Variants in HFM1 observed in about 807,000 individuals in gnomAD.
The protein encoded by HFM1 is helicase for meiosis 1, also known as probable ATP-dependent DNA helicase HFM1.
A neutral mutation model predicts 192.1 loss-of-function variants in HFM1; 169 were observed. The observed-to-expected ratio is 0.88, with a 90% confidence interval of 0.78 to 1.00. The LOEUF is 1.00. Ranked by LOEUF, HFM1 falls within the 50% of genes least tolerant of loss-of-function variation. HFM1 has a pLI of 0.00. For missense variants in HFM1, 1,661 were observed against 1,668.0 expected, an observed-to-expected ratio of 1.00 and a Z score of 0.07; for synonymous variants, 525 against 537.8, an observed-to-expected ratio of 0.98 and a Z score of 0.33.
At chr1:91,390,020 A>G (rs1358894240) in intron 4 of HFM1, among the ~76,000 whole-genome samples, 1 of 152,212 alleles carries the variant, frequency 6.6e-6, no homozygotes, top group African/African-American at 2.4e-5. Flanking sequence ...ACTTGCATGC[A>G]TTTTCATAGC....
At chr1:91,283,321 G>A (rs1667631381) in intron 30 of HFM1, among the ~76,000 whole-genome samples, 1 of 152,118 alleles carries the variant, frequency 6.6e-6, no homozygotes, top group Non-Finnish European at 1.5e-5. Flanking sequence ...ACGGCTCACT[G>A]AAACTTCAGC....
intron 6 of HFM1, 139 bp downstream of exon 6, chr1:91,385,048 T>C: frequency 1.7e-6 from 1 of 604,154 alleles, no homozygotes; most frequent in Non-Finnish European, 2.9e-6. Flanking sequence ...CGGCCACATG[T>C]ACCTCTTACA....
intron 20 of HFM1, among the ~76,000 whole-genome samples, 189 bp from the exon 21 acceptor site, chr1:91,324,955 T>C (rs886296272): frequency 6.6e-6 from 1 of 152,152 alleles, no homozygotes. Context: ...TCTAATTGCT[T>C]TTCTGCACAC....
At chr1:91,297,649 G>A (rs1424641437) in intron 30 of HFM1, among the ~76,000 whole-genome samples, 2 of 152,220 alleles carry the variant, frequency 1.3e-5, no homozygotes, top group African/African-American at 4.8e-5. Flanking sequence ...CTGCTGTTCT[G>A]CAGCCTCCGC....
chr1:91,336,283 A>C (rs1028990672), intron 20 of HFM1, among the ~76,000 whole-genome samples: 7 of 150,502 alleles, frequency 4.7e-5, no homozygotes. Flanking sequence ...TTCAATTATA[A>C]GTTGTCTAAA....
intron 13 of HFM1, among the ~76,000 whole-genome samples, chr1:91,359,371 G>C (rs940815660): frequency 3.9e-5 from 6 of 152,142 alleles, no homozygotes; most frequent in African/African-American, 1.4e-4. Context: ...AAACAGTACA[G>C]GAGCTGATAG....
Position 91,332,176 on chromosome 1 carries a change from G to A in HFM1, c.2336-7410C>T, listed in dbSNP as rs570324718. 3.9e-5 allele frequency among the ~76,000 whole-genome samples: 6 copies of A among 152,182 alleles called. No individual in the cohort carries two copies. The East Asian group carries it at 1.2e-3, about 29-fold the overall frequency. On this transcript the variant is annotated intron_variant, in intron 20 of 38. Coordinates refer to ENST00000370425, the MANE Select transcript of HFM1 (RefSeq NM_001017975.6). ...AGTCTAAGCAAAAAGAACAAAACTG[G>A]AGGAATTACATTACCTGATTTCAAA...
intron 30 of HFM1, among the ~76,000 whole-genome samples, chr1:91,289,601 T>G (rs928875798): frequency 4.6e-5 from 7 of 152,152 alleles, no homozygotes; most frequent in African/African-American, 1.4e-4. Context: ...AGACTCCGTC[T>G]GCAATCCTGG....
In HFM1 at chr1:91,377,228, A is replaced by G. The variant is rs1182387903; in HGVS notation, c.1395+797T>C. On this transcript the variant is annotated intron_variant, in intron 11 of 38. Transcript: ENST00000370425. The stretch of plus-strand genomic sequence containing the variant: ...GTTGTAATAAACTTTAAATTTTTCT[A>G]TATTATTCTTGAAAAATATGAACAA... 3.3e-5 allele frequency among the ~76,000 whole-genome samples: 5 copies of G among 151,940 alleles called. No homozygotes were observed. The East Asian group carries it at 9.6e-4, about 29-fold the overall frequency.
chr1:91,264,737 T>C (rs10801849), intron 36 of HFM1, among the ~76,000 whole-genome samples: 37,866 of 151,878 alleles, frequency 0.25, 5,103 homozygotes, highest in East Asian at 0.52. Flanking sequence ...AAGTTGTTGG[T>C]ATTTCTTCTG....
rs558991138 is a variant in HFM1, at chr1:91,302,596, T to C, written c.3391+10753A>G. On this transcript the variant is annotated intron_variant, in intron 30 of 38. Transcript: ENST00000370425. Reference sequence around the variant, plus strand: ...GGCACATATACACCAGGGAATACTATGCAGCTATAAAAAATGATGAGTTCA... The same window carrying C: ...GGCACATATACACCAGGGAATACTACGCAGCTATAAAAAATGATGAGTTCA... Among the ~76,000 whole-genome samples the C allele has an allele frequency of 2.0e-5, 3 of 152,202 alleles. No homozygotes were observed. The East Asian group carries it at 5.8e-4, about 29-fold the overall frequency.
chr1:91,349,552 GAT>G (rs1656657750), intron 18 of HFM1, among the ~76,000 whole-genome samples: 1 of 152,184 alleles, frequency 6.6e-6, no homozygotes, highest in Non-Finnish European at 1.5e-5. Context: ...TATGAGGAAA[GAT>G]CCACCTGGCA....
At chr1:91,398,603 T>G (rs926137836) in intron 2 of HFM1, among the ~76,000 whole-genome samples, 2 of 152,218 alleles carry the variant, frequency 1.3e-5, no homozygotes, top group Non-Finnish European at 2.9e-5. Context: ...CCTTATAGTT[T>G]TAACTCTCCT....
chr1:91,392,458 A>G (rs1266873341), intron 4 of HFM1, among the ~76,000 whole-genome samples: 1 of 152,202 alleles, frequency 6.6e-6, no homozygotes, highest in South Asian at 2.1e-4. Context: ...GACATGGATG[A>G]ATCTGGAAAC....
rs370901783 is a variant in HFM1 at position 91,385,251 on chromosome 1, A to C, written c.755-17T>G. The C allele has an allele frequency of 8.3e-5, 118 of 1,426,664 alleles. No homozygotes were observed. Among genetic ancestry groups the C allele is most frequent in the Non-Finnish European group, 1.1e-4 (116 of 1,021,652 alleles). The allele number at this position is 1,426,664 out of a possible 1,614,324, so 88.4% of individuals were successfully genotyped here. ...CTGTTACCTCTGAAAAAAAAATGCTACATATTTATATAAATATCAAAAAAA... is the reference window on the plus strand; with the variant it reads ...CTGTTACCTCTGAAAAAAAAATGCTCCATATTTATATAAATATCAAAAAAA... On this transcript the variant is annotated splice_polypyrimidine_tract_variant and intron_variant, in intron 5 of 38. Transcript: ENST00000370425.
chr1:91,401,079 G>T lies in HFM1; in HGVS notation c.4C>A (p.Leu2Met). Residue 2 changes from leucine to methionine, a missense_variant, in exon 2 of 39, where the codon CTG becomes ATG. Physicochemically the swap from Leu to Met is conservative, Grantham distance 15. Coordinates refer to ENST00000370425, the MANE Select transcript of HFM1 (RefSeq NM_001017975.6). Reference protein sequence around the residue: MLKSNDCLFSLE... With the variant: MMKSNDCLFSLE... Reference sequence around the variant, plus strand: ...GAAAACAGGCAATCATTTGATTTCAGCATTGTTGAAAACTGGACTTTGTCA... The same window carrying T: ...GAAAACAGGCAATCATTTGATTTCATCATTGTTGAAAACTGGACTTTGTCA... 1 of 1,541,638 alleles carries T rather than the reference G, an allele frequency of 6.5e-7. No individual in the cohort carries two copies. Among genetic ancestry groups the T allele is most frequent in the Non-Finnish European group, 8.7e-7 (1 of 1,145,028 alleles).
Position 91,262,264 on chromosome 1 carries a change from T to C in HFM1, c.4215A>G (p.Glu1405=). ...ACCTGAAATCAACTTCCTTTTTACATTCACTGTTTCTAATAAAAAAATCCA... is the reference window on the plus strand; with the variant it reads ...ACCTGAAATCAACTTCCTTTTTACACTCACTGTTTCTAATAAAAAAATCCA... The part of the protein sequence containing the change: ...KKVDFFIRNS[E]CKKEVDFSMY... Residue 1405 remains glutamate (E), a synonymous_variant, in exon 38 of 39, where the codon GAA becomes GAG. Transcript: ENST00000370425. 1.4e-6 allele frequency: 2 copies of C among 1,407,194 alleles called. No homozygotes were observed. Among genetic ancestry groups the C allele is most frequent in the Non-Finnish European group, 2.0e-6 (2 of 1,020,044 alleles). 87.2% of individuals were successfully genotyped at this position (1,407,194 alleles called of 1,614,324 possible).
At chr1:91,292,060 TA>T (rs970130246) in intron 30 of HFM1, among the ~76,000 whole-genome samples, 1 of 152,024 alleles carries the variant, frequency 6.6e-6, no homozygotes, top group African/African-American at 2.4e-5. Context: ...CTCAAAATAA[TA>T]ACAGCTATCT....
At chr1:91,405,448 A>G (rs1483073704), upstream of HFM1, among the ~76,000 whole-genome samples, 2 of 152,240 alleles carry the variant, frequency 1.3e-5, no homozygotes, top group African/African-American at 4.8e-5. Flanking sequence ...AATAGCAACG[A>G]ATCAATGATG....
Sources: allele counts gnomAD v4.1 joint callset (sites outside exome capture counted in the v4.1 genomes callset), GRCh38; gene constraint gnomAD v4.1.1; transcripts MANE v1.5; gene names NCBI Gene and HGNC (gene_info 2026-07-23, HGNC 2026-07-21).